The following EP400 variants were observed in gnomAD, a reference collection of about 807,000 sequenced individuals.
The protein encoded by EP400 is E1A-binding protein p400.
Under a neutral mutation model 354.1 loss-of-function variants are expected in EP400, and 105 were observed. The ratio of observed to expected loss-of-function variants is 0.30; its 90% CI spans 0.25 to 0.35. The LOEUF (loss-of-function observed/expected upper bound fraction) is 0.35, where lower values mean the gene tolerates loss of function less well. Among genes scored for constraint, EP400 ranks in the 10% least tolerant of loss-of-function variants. The pLI is 1.00. For synonymous variants in EP400, 1,646 were observed against 1,716.9 expected, an observed-to-expected ratio of 0.96 and a Z score of 1.02; for missense variants, 3,280 against 4,121.0, an observed-to-expected ratio of 0.80 and a Z score of 5.59.
At chr12:132,040,875 C>T (rs570883047) in intron 32 of EP400, among the ~76,000 whole-genome samples, 2 of 152,214 alleles carry the variant, frequency 1.3e-5, no homozygotes, top group Non-Finnish European at 2.9e-5. Context: ...CTAAGAGAGT[C>T]GCTCTGACTC....
At chr12:131,978,743 C>T (rs895519750) in intron 2 of EP400, among the ~76,000 whole-genome samples, 4 of 152,070 alleles carry the variant, frequency 2.6e-5, no homozygotes, top group Non-Finnish European at 2.9e-5. Context: ...GAACTGCTGA[C>T]CTCAAGCGAT....
intron 2 of EP400, among the ~76,000 whole-genome samples, chr12:131,963,310 T>C (rs1384426412): frequency 1.3e-5 from 2 of 152,216 alleles, no homozygotes; most frequent in African/African-American, 4.8e-5. Context: ...TCTAAAGATA[T>C]TGCACTTTGA....
intron 2 of EP400, among the ~76,000 whole-genome samples, chr12:131,966,562 C>CAAAAAAAAA (rs534384776): frequency 2.0e-3 from 116 of 57,514 alleles, no homozygotes; most frequent in African/African-American, 6.2e-3. Flanking sequence ...TACCCTACCT[C>CAAAAAAAAA]AAAAAAAAAA....
At position 131,992,226 on chromosome 12, in the gene EP400, C is replaced by G. The variant is rs771828481; in HGVS notation, c.2733C>G (p.Asp911Glu). The change falls in exon 11 of 53, where the codon GAC becomes GAG. Residue 911 changes from aspartate to glutamate, a missense_variant. By Grantham distance (45) the Asp-to-Glu change is conservative. This residue lies in a region of EP400 where 800 missense variants were observed against 840.0 expected (regional missense o/e 0.95). Transcript: ENST00000389561. Reference sequence around the variant, plus strand: ...AAGCTAGCATATCTTTGACTGATGACGAAGGTCTGTTCCCCCTCAGCACTA... The same window carrying G: ...AAGCTAGCATATCTTTGACTGATGAGGAAGGTCTGTTCCCCCTCAGCACTA... The part of the protein sequence containing the change: ...KRKASISLTD[D>E]EVDDEEETIE... The G allele has an allele frequency of 6.2e-7, 1 of 1,610,052 alleles. No homozygotes were observed. The highest frequency in any genetic ancestry group is 8.5e-7 in the Non-Finnish European group (1 of 1,179,584).
chr12:132,021,640 A>G lies in EP400; in HGVS notation c.4690+319A>G, dbSNP rs1894126600. The stretch of plus-strand genomic sequence containing the variant: ...CCAGTGTTAGCCCCGGCCTTGTTCC[A>G]CCAGCCACACAGGTGCACTCTGGGG... On this transcript the variant is annotated intron_variant, in intron 23 of 52. Coordinates refer to ENST00000389561, the MANE Select transcript of EP400 (RefSeq NM_015409.5). 2.0e-5 allele frequency among the ~76,000 whole-genome samples: 3 copies of G among 152,162 alleles called. No homozygotes were observed. In the South Asian group the frequency reaches 6.2e-4, roughly 32 times the overall value.
intron 2 of EP400, among the ~76,000 whole-genome samples, chr12:131,964,879 T>C (rs1324149996): frequency 5.3e-5 from 8 of 152,248 alleles, no homozygotes; most frequent in Admixed American, 3.9e-4. Flanking sequence ...TTTCATCTCT[T>C]GTCTCAAGGA....
rs762854945 is a variant in EP400, at chr12:132,062,368, C to T, written c.8098+45C>T. 15 of 1,611,434 alleles carry T rather than the reference C, an allele frequency of 9.3e-6. No homozygotes were observed. In the Admixed American group the frequency reaches 1.2e-4, roughly 13 times the overall value. On this transcript the variant is annotated intron_variant, in intron 46 of 52. Coordinates refer to ENST00000389561, the MANE Select transcript of EP400 (RefSeq NM_015409.5). ...TTTCTCTGCCACACGTCTGCTCTGG[C>T]GCGTGTGAGGGCTCAGCTGCTGCTT...
intron 19 of EP400, among the ~76,000 whole-genome samples, chr12:132,016,522 C>T (rs1893940272): frequency 6.6e-6 from 1 of 152,192 alleles, no homozygotes; most frequent in South Asian, 2.1e-4. Flanking sequence ...GCATGTGCCA[C>T]CACACCTGGC....
At position 132,075,538 on chromosome 12, in the gene EP400, A is replaced by G. The variant is rs1374924601; in HGVS notation, c.9022-978A>G. Among the ~76,000 whole-genome samples the G allele has an allele frequency of 6.6e-6, 1 of 152,178 alleles. No homozygotes were observed. The highest frequency in any genetic ancestry group is 1.9e-4 in the East Asian group (1 of 5,202). ...AGATGGGCCCTGGAGCACCGGCTGC[A>G]TCTTTGTTTCCCAGCAGTTCCACAG... On this transcript the variant is annotated intron_variant, in intron 51 of 52. Coordinates refer to ENST00000389561, the MANE Select transcript of EP400 (RefSeq NM_015409.5). This position sits in a 1 kb window ranked among gnomAD's most constrained non-coding sequence, Gnocchi z 4.5.
chr12:131,982,400 G>A lies in EP400; in HGVS notation c.1851G>A (p.Gln617=). ...GCCAACTCCCCATCCCTCCCTCGCA[G>A]CCTGCACAGCTGGCCCTCCACGTTC... ...PSSQLPIPPS[Q]PAQLALHVPT... The change falls in exon 5 of 53, where the codon CAG becomes CAA. Residue 617 remains glutamine (Q), a synonymous_variant. Transcript: ENST00000389561. 1 of 1,614,126 alleles carries A rather than the reference G, an allele frequency of 6.2e-7. No individual in the cohort carries two copies. Among genetic ancestry groups the A allele is most frequent in the Non-Finnish European group, 8.5e-7 (1 of 1,180,016 alleles).
intron 52 of EP400, 87 bp downstream of exon 52, chr12:132,076,680 CTT>C: frequency 7.9e-7 from 1 of 1,269,186 alleles, no homozygotes. Flanking sequence ...TAGGGAATCA[CTT>C]TTGATTTTTG....
rs1365021621 is a variant in EP400 at position 132,078,554 on chromosome 12, A to C, written c.*881A>C. 1.3e-5 allele frequency: 2 copies of C among 152,308 alleles called. No individual in the cohort carries two copies. The highest frequency in any genetic ancestry group is 4.1e-4 in the South Asian group (2 of 4,838). The allele number at this position is 152,308 out of a possible 1,614,324, so 9.4% of individuals were successfully genotyped here. Reference sequence around the variant, plus strand: ...CCATGGCTGGCGTGAGGCCCAGAGGACCACGCAGAGGCAATGGTAGTACAG... The same window carrying C: ...CCATGGCTGGCGTGAGGCCCAGAGGCCCACGCAGAGGCAATGGTAGTACAG... On this transcript the variant is annotated 3_prime_UTR_variant, in exon 53 of 53. Transcript: ENST00000389561.
chr12:132,079,143 A>G lies in EP400; in HGVS notation c.*1470A>G, dbSNP rs1896318079. The G allele has an allele frequency of 6.6e-6, 1 of 152,224 alleles. No individual in the cohort carries two copies. Among genetic ancestry groups the G allele is most frequent in the Admixed American group, 6.5e-5 (1 of 15,290 alleles). 9.4% of individuals were successfully genotyped at this position (152,224 alleles called of 1,614,324 possible). ...TCCCCATTCTCTCACTTTAAGTGAC[A>G]TTGAGGAAGGTATTCTGTCCCACAG... On this transcript the variant is annotated 3_prime_UTR_variant, in exon 53 of 53. Transcript: ENST00000389561.
At chr12:131,966,899 G>A (rs1892113165) in intron 2 of EP400, among the ~76,000 whole-genome samples, 1 of 86,990 alleles carries the variant, frequency 1.1e-5, no homozygotes, top group Non-Finnish European at 2.0e-5. Context: ...AGTGAGACTT[G>A]TCTCAAAAAA....
In EP400 at chr12:132,053,473, C is replaced by CGCCAGCAGG; in HGVS notation, c.7609_7617dup (p.Ala2537_Pro2539dup). ...CAACCACAGGCAGCGGGCAGCCAGC[C>CGCCAGCAGG]GCCAGCAGGGCCACCAGCTGTCCAG... On this transcript the variant is annotated inframe_insertion, in exon 43 of 53. Coordinates refer to ENST00000389561, the MANE Select transcript of EP400 (RefSeq NM_015409.5). The CGCCAGCAGG allele has an allele frequency of 6.5e-7, 1 of 1,532,676 alleles. No individual in the cohort carries two copies. Among genetic ancestry groups the CGCCAGCAGG allele is most frequent in the African/African-American group, 1.4e-5 (1 of 72,870 alleles). 94.9% of individuals were successfully genotyped at this position (1,532,676 alleles called of 1,614,324 possible).
intron 15 of EP400, among the ~76,000 whole-genome samples, chr12:132,008,987 C>G (rs987958932): frequency 1.5e-5 from 2 of 131,210 alleles, no homozygotes; most frequent in Non-Finnish European, 3.2e-5. Flanking sequence ...GATCAGGGCT[C>G]ACTACAGCCC....
In EP400 at chr12:132,053,552, G is replaced by A. The variant is rs199758676; in HGVS notation, c.7683G>A (p.Ala2561=). 8,011 of 1,561,448 alleles carry A rather than the reference G, an allele frequency of 5.1e-3. 30 individuals carry two copies. Among genetic ancestry groups the A allele is most frequent in the Non-Finnish European group, 5.4e-3 (6,312 of 1,160,118 alleles). ...QTQPQPVQAP[A]KAQPAITTGG... ...AGCCACAGCCTGTGCAGGCCCCAGC[G>A]AAGGCGCAGCCCGCAATCACGACGG... Residue 2561 remains alanine (A), a synonymous_variant, in exon 43 of 53, where the codon GCG becomes GCA. Transcript: ENST00000389561.
rs68030464 is a variant in EP400, at chr12:132,062,523, GGCAGCA to G, written c.8172_8177del (p.Gln2747_Gln2748del). On this transcript the variant is annotated inframe_deletion, in exon 47 of 53. Coordinates refer to ENST00000389561, the MANE Select transcript of EP400 (RefSeq NM_015409.5). ...ACACCTGCACATTTCCAGCTTCTCAGGCAGCAGCAGCAGCAGCAGCAACAACAGCAG... is the reference window on the plus strand; with the variant it reads ...ACACCTGCACATTTCCAGCTTCTCAGGCAGCAGCAGCAGCAACAACAGCAG... 6 of 1,574,900 alleles carry G rather than the reference GGCAGCA, an allele frequency of 3.8e-6. No individual in the cohort carries two copies. Among genetic ancestry groups the G allele is most frequent in the South Asian group, 2.3e-5 (2 of 88,616 alleles).
In EP400 at chr12:132,011,577, C is replaced by G. The variant is rs200561433; in HGVS notation, c.3384C>G (p.Pro1128=). The change falls in exon 16 of 53, where the codon CCC becomes CCG. Residue 1128 remains proline, a synonymous_variant. Coordinates refer to ENST00000389561, the MANE Select transcript of EP400 (RefSeq NM_015409.5). ...AGCTTGAATTGAAACGTTGGTGTCC[C>G]GGACTCAAAATCCTCTCATATATTG... The part of the protein sequence containing the change: ...KWELELKRWC[P]GLKILSYIGS... 20 of 1,613,698 alleles carry G rather than the reference C, an allele frequency of 1.2e-5. No individual in the cohort carries two copies. The highest frequency in any genetic ancestry group is 9.3e-5 in the African/African-American group (7 of 74,930).
Sources: gnomAD v4.1 joint callset for allele counts (sites outside exome capture counted in the v4.1 genomes callset) on GRCh38, gnomAD v4.1.1 for gene constraint, gnomAD v4.1.1 regional missense constraint, Gnocchi (gnomAD v3.1) non-coding constraint, MANE v1.5 for transcripts, NCBI Gene and HGNC (gene_info 2026-07-23, HGNC 2026-07-21) for gene names.